Variants in IFI16 observed in about 807,000 individuals in gnomAD.
The protein encoded by IFI16 is gamma-interferon-inducible protein 16.
In IFI16, 49 loss-of-function variants were observed where a neutral mutation model predicts 68.4. The observed-to-expected ratio is 0.72, with a 90% CI of 0.57 to 0.91. The LOEUF (loss-of-function observed/expected upper bound fraction) is 0.91. Ranked by LOEUF, IFI16 falls within the 40% of genes least tolerant of loss-of-function variation. The pLI is 0.00. For synonymous variants in IFI16, 307 were observed against 315.0 expected (o/e 0.97, Z 0.27); for missense variants, 878 against 942.9 (o/e 0.93, Z 0.90).
At position 159,053,255 on chromosome 1, in the gene IFI16, T is replaced by A. The variant is rs111299969; in HGVS notation, c.2086-278T>A. 546 of 259,524 alleles carry A rather than the reference T, an allele frequency of 2.1e-3. 3 individuals are homozygous for A. The highest frequency in any genetic ancestry group is 0.011 in the African/African-American group (513 of 45,008). The allele number at this position is 259,524 out of a possible 1,614,324, so 16.1% of individuals were successfully genotyped here. On this transcript the variant is annotated intron_variant, in intron 10 of 11. Transcript: ENST00000295809. Reference sequence around the variant, plus strand: ...CAGGCTCCTTAAAAAATCCCAGCTGTGCTGATGTGGAAACAGGAAGAATTA... The same window carrying A: ...CAGGCTCCTTAAAAAATCCCAGCTGAGCTGATGTGGAAACAGGAAGAATTA...
At chr1:159,014,385 A>C (rs971686530) in intron 1 of IFI16, among the ~76,000 whole-genome samples, 1 of 150,894 alleles carries the variant, frequency 6.6e-6, no homozygotes, top group Non-Finnish European at 1.5e-5. Context: ...CAGAGCTCAT[A>C]CTCTTAACAC....
intron 5 of IFI16, 57 bp downstream of exon 5, chr1:159,018,708 C>T: frequency 8.1e-7 from 1 of 1,235,472 alleles, no homozygotes; most frequent in Non-Finnish European, 1.2e-6. Flanking sequence ...AATTAAAAGT[C>T]TTGATGTGTG....
intron 9 of IFI16, among the ~76,000 whole-genome samples, chr1:159,050,642 T>C (rs1163057709): frequency 6.6e-6 from 1 of 151,968 alleles, no homozygotes; most frequent in African/African-American, 2.4e-5. Flanking sequence ...ACTCCCTTGA[T>C]CCCTTCTTGC....
At chr1:159,020,571 A>C (rs780527213) in intron 6 of IFI16, 42 bp downstream of exon 6, 1 of 1,474,948 alleles carries the variant, frequency 6.8e-7, no homozygotes, top group Admixed American at 1.9e-5. Context: ...CAAAGTGGAA[A>C]TGATTTGCTT....
At chr1:159,019,344 C>A (rs911701859) in intron 5 of IFI16, among the ~76,000 whole-genome samples, 3 of 151,994 alleles carry the variant, frequency 2.0e-5, no homozygotes, top group Non-Finnish European at 1.5e-5. Flanking sequence ...GACATTCCAC[C>A]CCGCAAAAAA....
upstream of IFI16, among the ~76,000 whole-genome samples, chr1:159,002,775 T>C (rs969200577): frequency 6.6e-6 from 1 of 152,178 alleles, no homozygotes; most frequent in African/African-American, 2.4e-5. Context: ...ATTTGTTAAA[T>C]AAACATATGT....
chr1:159,003,522 G>T (rs1652134734), upstream of IFI16, among the ~76,000 whole-genome samples: 1 of 151,968 alleles, frequency 6.6e-6, no homozygotes, highest in South Asian at 2.1e-4. Context: ...TCTTAGGCTG[G>T]AATCACGTTT....
chr1:159,027,578 C>A (rs958601189), intron 6 of IFI16, among the ~76,000 whole-genome samples: 1 of 151,926 alleles, frequency 6.6e-6, no homozygotes, highest in Non-Finnish European at 1.5e-5. Flanking sequence ...CTTTCTCTAT[C>A]TTGTGAAATA....
In IFI16 at chr1:159,049,576, C is replaced by T. The variant is rs1241359363; in HGVS notation, c.1642C>T (p.Pro548Ser). Reference sequence around the variant, plus strand: ...CACTCCTCAGATGCCTCCATCAACACCAAGCAGCAGTTTCTTAACCACGGT... The same window carrying T: ...CACTCCTCAGATGCCTCCATCAACATCAAGCAGCAGTTTCTTAACCACGGT... ...PHTPQMPPSTPSSSFLTTLKP... is the reference protein window; with the variant it reads ...PHTPQMPPSTSSSSFLTTLKP... The change falls in exon 9 of 12, where the codon CCA becomes TCA. Residue 548 changes from proline (P) to serine (S), a missense_variant. Physicochemically the swap from Pro to Ser is moderately conservative, Grantham distance 74. Around this residue, in one of 4 missense-constraint regions of IFI16, gnomAD observed 311 missense variants for 305.1 expected, o/e 1.02. Transcript: ENST00000295809. 6.2e-7 allele frequency: 1 copy of T among 1,601,804 alleles called. No homozygotes were observed. The highest frequency in any genetic ancestry group is 1.1e-5 in the South Asian group (1 of 88,998).
intron 1 of IFI16, among the ~76,000 whole-genome samples, chr1:159,011,604 T>C (rs1319676786): frequency 1.3e-5 from 2 of 151,812 alleles, no homozygotes; most frequent in Non-Finnish European, 2.9e-5. Flanking sequence ...ATAAATAATA[T>C]CATTAGATAA....
At chr1:159,007,696 A>C (rs1309675129), upstream of IFI16, among the ~76,000 whole-genome samples, 1 of 152,174 alleles carries the variant, frequency 6.6e-6, no homozygotes, top group African/African-American at 2.4e-5. Flanking sequence ...AAGAAGAGGT[A>C]TCAGAGAGTG....
At chr1:159,017,142 C>T (rs887996821) in intron 4 of IFI16, among the ~76,000 whole-genome samples, 1 of 152,178 alleles carries the variant, frequency 6.6e-6, no homozygotes, top group Non-Finnish European at 1.5e-5. Context: ...TTTAAGGAGA[C>T]TGGGATGTTA....
chr1:159,013,293 C>T (rs977353300), intron 1 of IFI16, among the ~76,000 whole-genome samples: 1 of 150,584 alleles, frequency 6.6e-6, no homozygotes, highest in Non-Finnish European at 1.5e-5. Flanking sequence ...CTCAGCCTCC[C>T]GAGTAGCTGG....
At chr1:159,045,146 T>C (rs557790957) in intron 7 of IFI16, 151 bp from the exon 8 acceptor site, 1 of 561,854 alleles carries the variant, frequency 1.8e-6, no homozygotes, top group Non-Finnish European at 3.2e-6. Context: ...TATCTGAATA[T>C]GTGGTATTAT....
At chr1:159,034,707 C>A (rs915749462) in intron 7 of IFI16, among the ~76,000 whole-genome samples, 2 of 152,122 alleles carry the variant, frequency 1.3e-5, no homozygotes, top group African/African-American at 2.4e-5. Flanking sequence ...TAGGTGAGAT[C>A]CTCCCATAGT....
At chr1:159,007,037 G>GA (rs1231610215), upstream of IFI16, among the ~76,000 whole-genome samples, 1 of 152,040 alleles carries the variant, frequency 6.6e-6, no homozygotes, top group Non-Finnish European at 1.5e-5. Context: ...ATAATACAGA[G>GA]AAAAATGGAA....
At chr1:159,048,694 A>G (rs1441706520) in intron 8 of IFI16, among the ~76,000 whole-genome samples, 2 of 151,538 alleles carry the variant, frequency 1.3e-5, no homozygotes, top group African/African-American at 4.8e-5. Flanking sequence ...AAACTGCTAA[A>G]ATAATGTGCC....
At chr1:159,053,499 G>C (rs1655483543) in intron 10 of IFI16, 34 bp from the exon 11 acceptor site, 1 of 1,445,836 alleles carries the variant, frequency 6.9e-7, no homozygotes, top group African/African-American at 1.4e-5. Context: ...TATTGATCCA[G>C]TTTCAGAAGA....
intron 9 of IFI16, among the ~76,000 whole-genome samples, chr1:159,050,500 G>T (rs1267691624): frequency 1.3e-5 from 2 of 152,148 alleles, no homozygotes; most frequent in Non-Finnish European, 2.9e-5. Context: ...TGGCCACATT[G>T]ATGAGTTCAT....
Sources: allele counts gnomAD v4.1 joint callset (sites outside exome capture counted in the v4.1 genomes callset), GRCh38; gene constraint gnomAD v4.1.1; regional missense constraint gnomAD v4.1.1; transcripts MANE v1.5; gene names NCBI Gene and HGNC (gene_info 2026-07-23, HGNC 2026-07-21).